Variants in ZRANB3 observed in about 807,000 individuals in gnomAD.
The protein encoded by ZRANB3 is zinc finger RANBP2-type containing 3.
A neutral mutation model predicts 133.8 loss-of-function variants in ZRANB3; 125 were observed. The ratio of observed to expected loss-of-function variants is 0.93; its 90% CI spans 0.81 to 1.08. ZRANB3 has a LOEUF of 1.08. Among genes scored for constraint, ZRANB3 ranks in the 50% least tolerant of loss-of-function variants. The pLI is 0.00. For synonymous variants in ZRANB3, 387 were observed against 432.7 expected, an observed-to-expected ratio of 0.89 and a Z score of 1.31; for missense variants, 1,229 against 1,275.5, an observed-to-expected ratio of 0.96 and a Z score of 0.56.
intron 2 of ZRANB3, among the ~76,000 whole-genome samples, chr2:135,419,873 T>C (rs1057016332): frequency 3.3e-5 from 5 of 151,748 alleles, no homozygotes; most frequent in African/African-American, 9.7e-5. Flanking sequence ...TTATCAGGCA[T>C]TTGTGTCTAA....
intron 2 of ZRANB3, among the ~76,000 whole-genome samples, chr2:135,458,637 G>C (rs1690632112): frequency 6.6e-6 from 1 of 152,032 alleles, no homozygotes; most frequent in East Asian, 1.9e-4. Context: ...AAACTATTTA[G>C]AATCAGAAAA....
At chr2:135,266,746 T>C (rs769251699) in intron 11 of ZRANB3, among the ~76,000 whole-genome samples, 5 of 150,316 alleles carry the variant, frequency 3.3e-5, no homozygotes, top group African/African-American at 9.8e-5. Context: ...GCCTGGGCGA[T>C]AGAGCAAGAC....
chr2:135,263,780 A>T (rs562151437), intron 12 of ZRANB3, among the ~76,000 whole-genome samples: 1 of 144,256 alleles, frequency 6.9e-6, no homozygotes, highest in Non-Finnish European at 1.5e-5. Flanking sequence ...GTTCATAGTA[A>T]TTTTTTTTTT....
rs1558912180 is a variant in ZRANB3 at position 135,316,991 on chromosome 2, T to TAA, written c.678-1462_678-1461insTT. Among the ~76,000 whole-genome samples, 872 of 145,684 alleles carry TAA rather than the reference T, an allele frequency of 6.0e-3. 12 individuals carry two copies. Among genetic ancestry groups the TAA allele is most frequent in the African/African-American group, 0.021 (826 of 39,144 alleles). ...AGAAAAAAAAAAAAAAAAATATATA[T>TAA]ATATATATATACTTGCATGTAGAGT... is the stretch of plus-strand genomic sequence containing the variant. On this transcript the variant is annotated intron_variant, in intron 6 of 20. Coordinates refer to ENST00000264159, the MANE Select transcript of ZRANB3 (RefSeq NM_032143.4).
At chr2:135,244,107 CAA>C (rs566334496) in intron 12 of ZRANB3, among the ~76,000 whole-genome samples, 73 of 121,384 alleles carry the variant, frequency 6.0e-4, no homozygotes, top group Non-Finnish European at 6.9e-4. Flanking sequence ...ATTTCCCCAC[CAA>C]AAAAAAAAAA....
chr2:135,312,189 T>A (rs1054979358), intron 8 of ZRANB3, among the ~76,000 whole-genome samples: 1 of 130,932 alleles, frequency 7.6e-6, no homozygotes, highest in African/African-American at 3.2e-5. Flanking sequence ...TTTATTTTAT[T>A]TTTATTTTAT....
chr2:135,514,454 G>A (rs1693613047), intron 1 of ZRANB3, among the ~76,000 whole-genome samples: 1 of 152,096 alleles, frequency 6.6e-6, no homozygotes, highest in South Asian at 2.1e-4. Flanking sequence ...TCTATTATTG[G>A]TGTATAAAAA....
chr2:135,485,777 A>G (rs1395947412), intron 2 of ZRANB3, among the ~76,000 whole-genome samples: 3 of 152,252 alleles, frequency 2.0e-5, no homozygotes, highest in Non-Finnish European at 2.9e-5. Flanking sequence ...CAATAGCATT[A>G]TGTCTAAAAC....
intron 13 of ZRANB3, among the ~76,000 whole-genome samples, chr2:135,229,665 C>T (rs1558845234): frequency 1.3e-5 from 2 of 152,126 alleles, no homozygotes; most frequent in Admixed American, 6.5e-5. Context: ...CCGCGCCCGG[C>T]CGCCAATATT....
chr2:135,431,093 T>C (rs1372240604), intron 2 of ZRANB3, among the ~76,000 whole-genome samples: 2 of 150,388 alleles, frequency 1.3e-5, no homozygotes, highest in Non-Finnish European at 3.0e-5. Context: ...TCAGCAATGA[T>C]GTGAGACTCT....
intron 2 of ZRANB3, among the ~76,000 whole-genome samples, chr2:135,473,111 T>C (rs1691349421): frequency 6.6e-6 from 1 of 152,210 alleles, no homozygotes; most frequent in Non-Finnish European, 1.5e-5. Flanking sequence ...CTGAACTTTA[T>C]CATCCCAAAC....
chr2:135,481,370 G>C (rs1330609789), intron 2 of ZRANB3, among the ~76,000 whole-genome samples: 4 of 151,730 alleles, frequency 2.6e-5, no homozygotes, highest in Non-Finnish European at 5.9e-5. Flanking sequence ...GGCCAGTGAT[G>C]ATGAGCATTT....
At chr2:135,378,990 G>A (rs1686561415) in intron 3 of ZRANB3, among the ~76,000 whole-genome samples, 1 of 152,074 alleles carries the variant, frequency 6.6e-6, no homozygotes, top group African/African-American at 2.4e-5. Flanking sequence ...AAAAGGACAT[G>A]AGAGAAAAAC....
rs376797795 is a variant in ZRANB3 at position 135,200,319 on chromosome 2, A to T, written c.*23T>A. 6.5e-7 allele frequency: 1 copy of T among 1,537,802 alleles called. No individual in the cohort carries two copies. The highest frequency in any genetic ancestry group is 8.9e-7 in the Non-Finnish European group (1 of 1,128,844). The stretch of plus-strand genomic sequence containing the variant: ...GTCTTCCACATGTAAACCATTTGTC[A>T]TTCATTCATATATTTTTCTACTTTA... On this transcript the variant is annotated 3_prime_UTR_variant, in exon 21 of 21. Coordinates refer to ENST00000264159, the MANE Select transcript of ZRANB3 (RefSeq NM_032143.4).
intron 2 of ZRANB3, among the ~76,000 whole-genome samples, chr2:135,451,828 G>T (rs547438023): frequency 1.3e-5 from 2 of 152,210 alleles, no homozygotes; most frequent in East Asian, 3.9e-4. Context: ...GATATGTGAC[G>T]CACAAAAAAT....
At position 135,384,612 on chromosome 2, in the gene ZRANB3, G is replaced by A. The variant is rs998824576; in HGVS notation, c.180+6190C>T. Among the ~76,000 whole-genome samples, 32 of 151,704 alleles carry A rather than the reference G, an allele frequency of 2.1e-4. 1 individual carries two copies. The highest frequency in any genetic ancestry group is 5.6e-4 in the African/African-American group (23 of 41,282). On this transcript the variant is annotated intron_variant, in intron 3 of 20. Coordinates refer to ENST00000264159, the MANE Select transcript of ZRANB3 (RefSeq NM_032143.4). ...ATCCTCAATAAAATACTGGCAAACC[G>A]AATCCAGCAGCACATCAAAAAGCTT... is the stretch of plus-strand genomic sequence containing the variant.
At chr2:135,346,243 C>T (rs1018183638) in intron 5 of ZRANB3, among the ~76,000 whole-genome samples, 7 of 152,198 alleles carry the variant, frequency 4.6e-5, no homozygotes, top group African/African-American at 1.7e-4. Flanking sequence ...AGTACAGACG[C>T]CCACCACCAT....
At chr2:135,342,113 G>A (rs1319956611) in intron 6 of ZRANB3, among the ~76,000 whole-genome samples, 1 of 149,752 alleles carries the variant, frequency 6.7e-6, no homozygotes, top group Non-Finnish European at 1.5e-5. Flanking sequence ...TACGGCTCAG[G>A]GGGCATCACA....
intron 1 of ZRANB3, among the ~76,000 whole-genome samples, chr2:135,516,243 A>G (rs1693694643): frequency 6.6e-6 from 1 of 152,060 alleles, no homozygotes; most frequent in African/African-American, 2.4e-5. Context: ...CCAGTTTGCC[A>G]GTCTGTGTCT....
Sources: gnomAD v4.1 joint callset for allele counts (sites outside exome capture counted in the v4.1 genomes callset) on GRCh38, gnomAD v4.1.1 for gene constraint, MANE v1.5 for transcripts, NCBI Gene and HGNC (gene_info 2026-07-23, HGNC 2026-07-21) for gene names.